The following DLG2 variants were observed in gnomAD, a reference collection of about 807,000 sequenced individuals.
DLG2 encodes the protein disks large homolog 2.
Under a neutral mutation model 132.5 loss-of-function variants are expected in DLG2, and 45 were observed. The ratio of observed to expected loss-of-function variants is 0.34; its 90% CI spans 0.27 to 0.44. The LOEUF (loss-of-function observed/expected upper bound fraction) is 0.44, where lower values mean the gene tolerates loss of function less well. Among genes scored for constraint, DLG2 ranks in the 20% least tolerant of loss-of-function variants. The pLI is 1.00. For missense variants in DLG2, 1,045 were observed against 1,196.9 expected, an observed-to-expected ratio of 0.87 and a Z score of 1.87; for synonymous variants, 424 against 419.6, an observed-to-expected ratio of 1.01 and a Z score of -0.13.
intron 6 of DLG2, among the ~76,000 whole-genome samples, chr11:84,811,582 T>G (rs987568406): frequency 6.6e-6 from 1 of 152,184 alleles, no homozygotes; most frequent in African/African-American, 2.4e-5. Flanking sequence ...AGTCTCATCA[T>G]CTTATAAGGG....
chr11:85,114,102 G>A (rs592166), intron 5 of DLG2, among the ~76,000 whole-genome samples: 105,680 of 151,840 alleles, frequency 0.7, 37,628 homozygotes, highest in East Asian at 0.95. Flanking sequence ...ACATGGATCA[G>A]GGAACCTACC....
chr11:84,009,218 A>T (rs1438436274), intron 11 of DLG2, among the ~76,000 whole-genome samples: 1 of 152,002 alleles, frequency 6.6e-6, no homozygotes, highest in Non-Finnish European at 1.5e-5. Context: ...GAATATGCCT[A>T]GAAGTTTCGA....
intron 11 of DLG2, among the ~76,000 whole-genome samples, chr11:84,007,570 C>T (rs569625841): frequency 5.3e-5 from 8 of 151,772 alleles, no homozygotes; most frequent in South Asian, 2.1e-4. Flanking sequence ...ATAAATTCAG[C>T]TACATAATTG....
chr11:83,769,714 C>A (rs928902139), intron 18 of DLG2, among the ~76,000 whole-genome samples: 1 of 152,080 alleles, frequency 6.6e-6, no homozygotes, highest in Non-Finnish European at 1.5e-5. Flanking sequence ...CAGGCGCCCA[C>A]CACTACGCCT....
chr11:84,545,309 C>A, intron 6 of DLG2: 1 of 509,316 alleles, frequency 2.0e-6, no homozygotes, highest in South Asian at 1.5e-5. Context: ...CTGCCAAAAT[C>A]ACTGTAGCTT....
At chr11:84,138,473 A>C (rs1262445172) in intron 9 of DLG2, among the ~76,000 whole-genome samples, 1 of 152,214 alleles carries the variant, frequency 6.6e-6, no homozygotes, top group African/African-American at 2.4e-5. Context: ...TGTAATGTCG[A>C]TCAAACCAAA....
chr11:84,447,566 T>G (rs2099039022), intron 7 of DLG2, among the ~76,000 whole-genome samples: 1 of 152,158 alleles, frequency 6.6e-6, no homozygotes, highest in Non-Finnish European at 1.5e-5. Flanking sequence ...TTTCATAAAT[T>G]TAAAGTCTTC....
chr11:84,138,642 C>T (rs1204292373), intron 9 of DLG2, among the ~76,000 whole-genome samples: 5 of 152,148 alleles, frequency 3.3e-5, no homozygotes, highest in African/African-American at 7.2e-5. Flanking sequence ...GAGAAACATA[C>T]TACAACTAGG....
chr11:85,458,454 G>A (rs1467092043), intron 3 of DLG2, among the ~76,000 whole-genome samples: 1 of 152,094 alleles, frequency 6.6e-6, no homozygotes, highest in Non-Finnish European at 1.5e-5. Flanking sequence ...ATTTCAGTCT[G>A]GTTAAGAATA....
chr11:83,541,601 T>G, intron 20 of DLG2, 81 bp downstream of exon 20: 1 of 1,256,128 alleles, frequency 8.0e-7, no homozygotes, highest in Non-Finnish European at 1.1e-6. Context: ...TTGTGAACAG[T>G]TTCTCCCACC....
At chr11:83,597,420 G>A (rs2057773408) in intron 19 of DLG2, among the ~76,000 whole-genome samples, 1 of 152,126 alleles carries the variant, frequency 6.6e-6, no homozygotes, top group Non-Finnish European at 1.5e-5. Context: ...AGACACAGTG[G>A]CTCATGCCTG....
At chr11:85,014,823 G>C (rs907116097) in intron 6 of DLG2, among the ~76,000 whole-genome samples, 1 of 152,076 alleles carries the variant, frequency 6.6e-6, no homozygotes, top group Non-Finnish European at 1.5e-5. Context: ...TATGCCTCTG[G>C]AGAAAATCAA....
chr11:84,018,044 A>G (rs776366007), intron 11 of DLG2, among the ~76,000 whole-genome samples: 1 of 151,768 alleles, frequency 6.6e-6, no homozygotes, highest in Non-Finnish European at 1.5e-5. Context: ...ATTTGTTTGT[A>G]TTTATCCTGT....
intron 3 of DLG2, among the ~76,000 whole-genome samples, chr11:85,575,482 A>T (rs1479545072): frequency 1.3e-5 from 2 of 151,364 alleles, no homozygotes; most frequent in Non-Finnish European, 1.5e-5. Flanking sequence ...AGAGACTGCA[A>T]TAAGCCATGA....
intron 5 of DLG2, 125 bp from the exon 6 acceptor site, chr11:85,111,860 T>C: frequency 1.5e-6 from 1 of 675,270 alleles, no homozygotes; most frequent in Non-Finnish European, 2.3e-6. Flanking sequence ...GAGAATGCTT[T>C]GTTGGTGCAA....
At chr11:85,466,027 G>C (rs1224559438) in intron 3 of DLG2, among the ~76,000 whole-genome samples, 2 of 152,108 alleles carry the variant, frequency 1.3e-5, no homozygotes, top group African/African-American at 4.8e-5. Flanking sequence ...ATCTCATTGT[G>C]GTTTTGATTT....
chr11:83,660,465 T>G (rs1343546800), intron 18 of DLG2, among the ~76,000 whole-genome samples: 1 of 152,232 alleles, frequency 6.6e-6, no homozygotes, highest in Non-Finnish European at 1.5e-5. Context: ...TTGATGCCAC[T>G]GAACCCCCAT....
At chr11:84,259,286 T>C (rs2097522823) in intron 7 of DLG2, among the ~76,000 whole-genome samples, 1 of 107,468 alleles carries the variant, frequency 9.3e-6, no homozygotes. Flanking sequence ...AAAAAGGTTC[T>C]TAGGTTATTA....
chr11:84,272,192 C>G (rs2097733607), intron 7 of DLG2: 4 of 352,416 alleles, frequency 1.1e-5, no homozygotes, highest in Non-Finnish European at 2.3e-5. Flanking sequence ...TCAAATATAG[C>G]CCAGAGTTTG....
Sources: gnomAD v4.1 joint callset for allele counts (sites outside exome capture counted in the v4.1 genomes callset) on GRCh38, gnomAD v4.1.1 for gene constraint, MANE v1.5 for transcripts, NCBI Gene and HGNC (gene_info 2026-07-23, HGNC 2026-07-21) for gene names.